The following KAZN variants were observed in gnomAD, a reference collection of about 807,000 sequenced individuals.
KAZN encodes the protein kazrin, periplakin interacting protein, also known as kazrin.
KAZN carries 40 observed loss-of-function variants against 87.4 expected under a neutral mutation model. The observed-to-expected ratio is 0.46, with a 90% CI of 0.36 to 0.60. KAZN has a LOEUF of 0.60. Among genes scored for constraint, KAZN ranks in the 20% least tolerant of loss-of-function variants. KAZN has a pLI of 0.00. For synonymous variants in KAZN, 466 were observed against 458.3 expected (o/e 1.02, Z -0.22); for missense variants, 898 against 1,073.9 (o/e 0.84, Z 2.29).
intron 2 of KAZN, among the ~76,000 whole-genome samples, chr1:14,292,071 T>TA (rs1653745317): frequency 6.6e-6 from 1 of 152,236 alleles, no homozygotes. Flanking sequence ...TTTTTTTGCT[T>TA]AAAGTCACAC....
intron 1 of KAZN, among the ~76,000 whole-genome samples, chr1:14,736,207 A>G (rs530474205): frequency 1.3e-5 from 2 of 150,748 alleles, no homozygotes; most frequent in South Asian, 2.1e-4. Flanking sequence ...TTTTAAAAAT[A>G]TAGGTTCCTG....
intron 1 of KAZN, among the ~76,000 whole-genome samples, chr1:14,070,807 A>T (rs926165473): frequency 2.6e-5 from 4 of 152,176 alleles, no homozygotes; most frequent in African/African-American, 7.2e-5. Context: ...CCCAAGTGTT[A>T]CTGAACTGTG....
intron 11 of KAZN, among the ~76,000 whole-genome samples, chr1:15,102,414 G>T (rs1377299347): frequency 1.3e-5 from 2 of 152,130 alleles, no homozygotes; most frequent in African/African-American, 4.8e-5. Flanking sequence ...AAGGCCCAGA[G>T]GACTGATCCA....
chr1:13,935,446 G>A (rs1640692863), intron 1 of KAZN, among the ~76,000 whole-genome samples: 1 of 152,190 alleles, frequency 6.6e-6, no homozygotes, highest in Non-Finnish European at 1.5e-5. Flanking sequence ...TGGCAACAGA[G>A]CCTGTGATCT....
At chr1:14,271,072 AG>A (rs770893625) in intron 2 of KAZN, among the ~76,000 whole-genome samples, 28 of 152,338 alleles carry the variant, frequency 1.8e-4, no homozygotes, top group Non-Finnish European at 4.0e-4. Context: ...GAAGTCCAGC[AG>A]GGTTGGCTAC....
chr1:14,859,872 C>T (rs1055839110), intron 1 of KAZN, among the ~76,000 whole-genome samples: 9 of 152,178 alleles, frequency 5.9e-5, no homozygotes, highest in South Asian at 2.1e-4. Context: ...GATAAGGATG[C>T]GGCAGTGGGA....
chr1:15,068,399 A>C (rs1049140203), intron 8 of KAZN, among the ~76,000 whole-genome samples: 2 of 152,128 alleles, frequency 1.3e-5, no homozygotes, highest in African/African-American at 4.8e-5. Context: ...CCTGTGGTCC[A>C]AACGCACCAC....
intron 2 of KAZN, among the ~76,000 whole-genome samples, chr1:14,417,463 A>G (rs1299141716): frequency 6.6e-6 from 1 of 152,154 alleles, no homozygotes; most frequent in Non-Finnish European, 1.5e-5. Flanking sequence ...AAGGAAACCA[A>G]TTTCAGCTGC....
intron 2 of KAZN, among the ~76,000 whole-genome samples, chr1:14,453,768 G>A (rs1263728331): frequency 3.9e-5 from 6 of 152,134 alleles, no homozygotes; most frequent in African/African-American, 1.4e-4. Context: ...CCTGGGAGGT[G>A]GAGGTTGTGG....
chr1:13,972,058 G>T (rs1007737761), intron 1 of KAZN, among the ~76,000 whole-genome samples: 3 of 152,100 alleles, frequency 2.0e-5, no homozygotes, highest in Non-Finnish European at 2.9e-5. Flanking sequence ...TGTTTGAATG[G>T]ACTAATACAC....
At chr1:14,661,548 AC>A (rs1639164457) in intron 1 of KAZN, among the ~76,000 whole-genome samples, 1 of 151,900 alleles carries the variant, frequency 6.6e-6, no homozygotes, top group African/African-American at 2.4e-5. Flanking sequence ...TTCCAATAAA[AC>A]TTTATTTACA....
rs1009603602 is a variant in KAZN, at chr1:15,027,055, C to T, written c.419-7694C>T. Among the ~76,000 whole-genome samples the T allele has an allele frequency of 2.1e-5, 3 of 144,946 alleles. No individual in the cohort carries two copies. The East Asian group carries it at 6.2e-4, about 30-fold the overall frequency. On this transcript the variant is annotated intron_variant, in intron 2 of 14. Transcript: ENST00000376030. ...AGGCTTAATCAAACTTAGGCAGATTCCCAAGCCAGTGCTTCTTTTTTTTTT... is the reference window on the plus strand; with the variant it reads ...AGGCTTAATCAAACTTAGGCAGATTTCCAAGCCAGTGCTTCTTTTTTTTTT...
intron 2 of KAZN, among the ~76,000 whole-genome samples, chr1:14,484,085 T>G (rs1669224737): frequency 6.6e-6 from 1 of 152,202 alleles, no homozygotes; most frequent in Non-Finnish European, 1.5e-5. Flanking sequence ...ATGCATGGAT[T>G]TATTTCGGAG....
rs113832539 is a variant in KAZN at position 14,246,754 on chromosome 1, A to G, written c.249+66162A>G. Among the ~76,000 whole-genome samples, 418 of 152,214 alleles carry G rather than the reference A, an allele frequency of 2.7e-3. 5 individuals are homozygous for G. Among genetic ancestry groups the G allele is most frequent in the African/African-American group, 9.6e-3 (399 of 41,514 alleles). Reference sequence around the variant, plus strand: ...CTAGTTTTAGTTGTGCAATGTTTCGAGCTTTATGAAAATAAAATCGCACTT... The same window carrying G: ...CTAGTTTTAGTTGTGCAATGTTTCGGGCTTTATGAAAATAAAATCGCACTT... On this transcript the variant is annotated intron_variant, in intron 2 of 16. Coordinates refer to the KAZN transcript ENST00000636203.
chr1:14,854,421 T>C (rs976085767), intron 1 of KAZN, among the ~76,000 whole-genome samples: 5 of 152,210 alleles, frequency 3.3e-5, no homozygotes, highest in South Asian at 2.1e-4. Flanking sequence ...AAAAGAGGTT[T>C]ATTTAGCTCA....
intron 1 of KAZN, among the ~76,000 whole-genome samples, chr1:14,022,827 G>A (rs1380922825): frequency 6.6e-6 from 1 of 152,140 alleles, no homozygotes; most frequent in African/African-American, 2.4e-5. Context: ...AGCTAGGTGG[G>A]GTAGTTCAGT....
At chr1:14,729,783 C>A (rs1236967752) in intron 1 of KAZN, among the ~76,000 whole-genome samples, 1 of 152,142 alleles carries the variant, frequency 6.6e-6, no homozygotes, top group Non-Finnish European at 1.5e-5. Context: ...GCAGGGGGCA[C>A]AAACTACCCA....
Position 14,455,182 on chromosome 1 carries a change from C to T in KAZN, c.250-143801C>T, listed in dbSNP as rs115687983. On this transcript the variant is annotated intron_variant, in intron 2 of 16. Transcript: ENST00000636203. ...GCATAAGGAGTGAATCTGATTCATA[C>T]TTACACAAATTCCACACCATTTAGT... 3.0e-3 allele frequency among the ~76,000 whole-genome samples: 459 copies of T among 152,330 alleles called. 3 individuals are homozygous for T. The highest frequency in any genetic ancestry group is 0.011 in the African/African-American group (439 of 41,576).
At chr1:15,113,170 G>GA in intron 14 of KAZN, 1 of 152,244 alleles carries the variant, frequency 6.6e-6, no homozygotes, top group Middle Eastern at 3.4e-3. Flanking sequence ...TCATAAACAT[G>GA]AATACATTGC....
Sources: allele counts gnomAD v4.1 joint callset (sites outside exome capture counted in the v4.1 genomes callset), GRCh38; gene constraint gnomAD v4.1.1; transcripts MANE v1.5; gene names NCBI Gene and HGNC (gene_info 2026-07-23, HGNC 2026-07-21).